The following PDE1C variants were observed in gnomAD, a reference collection of about 807,000 sequenced individuals.
The protein encoded by PDE1C is dual specificity calcium/calmodulin-dependent 3',5'-cyclic nucleotide phosphodiesterase 1C.
A neutral mutation model predicts 93.1 loss-of-function variants in PDE1C; 62 were observed. The ratio of observed to expected loss-of-function variants is 0.67; its 90% CI spans 0.54 to 0.82. The LOEUF (loss-of-function observed/expected upper bound fraction) is 0.82, where lower values mean the gene tolerates loss of function less well. Among genes scored for constraint, PDE1C ranks in the 40% least tolerant of loss-of-function variants. PDE1C has a pLI of 0.00. For synonymous variants in PDE1C, 325 were observed against 310.1 expected (o/e 1.05, Z -0.50); for missense variants, 742 against 884.6 (o/e 0.84, Z 2.04).
chr7:31,945,462 C>G (rs1357191615), intron 2 of PDE1C, among the ~76,000 whole-genome samples: 1 of 152,086 alleles, frequency 6.6e-6, no homozygotes, highest in Non-Finnish European at 1.5e-5. Context: ...GCCTTTATTT[C>G]TCCTTCATTT....
intron 9 of PDE1C, among the ~76,000 whole-genome samples, chr7:31,844,997 TTTTAA>T (rs1447962226): frequency 5.3e-5 from 8 of 152,104 alleles, no homozygotes; most frequent in African/African-American, 1.4e-4. Context: ...TAAACTTTGT[TTTTAA>T]TTTATGTTTT....
intron 9 of PDE1C, among the ~76,000 whole-genome samples, chr7:31,839,779 G>A (rs1246221734): frequency 6.6e-6 from 1 of 152,236 alleles, no homozygotes; most frequent in Non-Finnish European, 1.5e-5. Flanking sequence ...GCTCATGCCT[G>A]TAATCCCAAC....
chr7:31,993,883 A>G (rs1438093342), intron 2 of PDE1C, among the ~76,000 whole-genome samples: 1 of 152,208 alleles, frequency 6.6e-6, no homozygotes, highest in Admixed American at 6.5e-5. Context: ...AACTGGCGAT[A>G]TGCAATAGCC....
chr7:31,692,938 A>G, the PDE1C span, among the ~76,000 whole-genome samples: 1 of 152,178 alleles, frequency 6.6e-6, no homozygotes, highest in African/African-American at 2.4e-5. Context: ...ATCAAGACAG[A>G]ATTTTAAATA....
At chr7:31,941,191 C>T (rs1265941065) in intron 2 of PDE1C, 2 of 152,716 alleles carry the variant, frequency 1.3e-5, no homozygotes, top group African/African-American at 4.8e-5. Flanking sequence ...CTAACAAACA[C>T]ACTCTTTGAG....
At chr7:32,043,646 A>G (rs1291229044) in intron 2 of PDE1C, among the ~76,000 whole-genome samples, 2 of 152,218 alleles carry the variant, frequency 1.3e-5, no homozygotes, top group Non-Finnish European at 2.9e-5. Context: ...TAATGGCTTG[A>G]GTAGAGGAAA....
intron 1 of PDE1C, among the ~76,000 whole-genome samples, chr7:32,251,915 C>T (rs1055373824): frequency 5.3e-5 from 8 of 152,266 alleles, no homozygotes; most frequent in Non-Finnish European, 1.2e-4. Context: ...CAGTGAGGTC[C>T]TTTTAGGTGA....
intron 14 of PDE1C, among the ~76,000 whole-genome samples, chr7:31,821,298 T>G (rs985062086): frequency 6.6e-6 from 1 of 152,190 alleles, no homozygotes; most frequent in Non-Finnish European, 1.5e-5. Flanking sequence ...CATTTAAAAA[T>G]TATTAGCTGT....
At chr7:31,829,138 G>A (rs925193581) in intron 11 of PDE1C, among the ~76,000 whole-genome samples, 1 of 152,106 alleles carries the variant, frequency 6.6e-6, no homozygotes. Context: ...GTGAAGCTGT[G>A]CTAATTCATT....
At chr7:32,170,731 T>C (rs1802591829) in intron 2 of PDE1C, among the ~76,000 whole-genome samples, 1 of 152,186 alleles carries the variant, frequency 6.6e-6, no homozygotes, top group Non-Finnish European at 1.5e-5. Flanking sequence ...CTGAGTCACC[T>C]GACCTTGGCC....
chr7:32,290,637 C>T (rs2128896823), intron 1 of PDE1C, among the ~76,000 whole-genome samples: 1 of 152,246 alleles, frequency 6.6e-6, no homozygotes, highest in Middle Eastern at 3.4e-3. Context: ...GTATCACTTG[C>T]CTTTCCACCT....
intron 17 of PDE1C, among the ~76,000 whole-genome samples, chr7:31,755,715 A>G (rs917751): frequency 0.6 from 91,215 of 152,074 alleles, 27,668 homozygotes; most frequent in South Asian, 0.78. Flanking sequence ...AACCCGAAGT[A>G]TAAAATAAAT....
chr7:32,144,301 C>T (rs1463745802), intron 3 of PDE1C, among the ~76,000 whole-genome samples: 1 of 152,094 alleles, frequency 6.6e-6, no homozygotes, highest in Non-Finnish European at 1.5e-5. Flanking sequence ...TAGGCATTTT[C>T]CCCAGGGTGC....
intron 1 of PDE1C, among the ~76,000 whole-genome samples, chr7:32,375,919 G>T (rs953366949): frequency 1.3e-5 from 2 of 152,212 alleles, no homozygotes; most frequent in African/African-American, 4.8e-5. Flanking sequence ...AGTTTGGGAG[G>T]CCGAGGCAGG....
At chr7:32,007,827 A>G (rs903057916) in intron 2 of PDE1C, among the ~76,000 whole-genome samples, 2 of 152,212 alleles carry the variant, frequency 1.3e-5, no homozygotes, top group Admixed American at 6.5e-5. Context: ...CTAAAACAGT[A>G]CGTGGCACAG....
At chr7:31,642,209 C>A in the PDE1C span, 1 of 1,561,504 alleles carries the variant, frequency 6.4e-7, no homozygotes. Flanking sequence ...AGCTGCCAGT[C>A]TGACAGCAGC....
At position 31,791,847 on chromosome 7, in the gene PDE1C, C is replaced by T. The variant is rs190616949; in HGVS notation, c.1892-16115G>A. Among the ~76,000 whole-genome samples the T allele has an allele frequency of 9.9e-5, 15 of 152,070 alleles. No individual in the cohort carries two copies. In the East Asian group the frequency reaches 2.9e-3, roughly 30 times the overall value. ...GCTGGGTCCCAGAGATGGAAAGAGG[C>T]CTATCTAGGGTCTTAATGAAATCCA... is the stretch of plus-strand genomic sequence containing the variant. On this transcript the variant is annotated intron_variant, in intron 16 of 17. Coordinates refer to ENST00000396191, the MANE Select transcript of PDE1C (RefSeq NM_001191057.4).
At chr7:32,302,226 T>C (rs1812898468), upstream of PDE1C, among the ~76,000 whole-genome samples, 1 of 152,238 alleles carries the variant, frequency 6.6e-6, no homozygotes, top group African/African-American at 2.4e-5. Context: ...TTTATTATAT[T>C]TACTTTAACA....
At chr7:32,275,785 C>T (rs930740016) in intron 1 of PDE1C, among the ~76,000 whole-genome samples, 1 of 152,132 alleles carries the variant, frequency 6.6e-6, no homozygotes, top group African/African-American at 2.4e-5. Context: ...TTTATGCACA[C>T]ACTCCCAAAC....
Sources: gnomAD v4.1 joint callset for allele counts (sites outside exome capture counted in the v4.1 genomes callset) on GRCh38, gnomAD v4.1.1 for gene constraint, MANE v1.5 for transcripts, NCBI Gene and HGNC (gene_info 2026-07-23, HGNC 2026-07-21) for gene names.